DYNC1LI1: variants seen among roughly 807,000 people sequenced by gnomAD.
DYNC1LI1 encodes the protein dynein cytoplasmic 1 light intermediate chain 1, also known as cytoplasmic dynein 1 light intermediate chain 1.
In DYNC1LI1, 19 loss-of-function variants were observed where a neutral mutation model predicts 63.8. The ratio of observed to expected loss-of-function variants is 0.30; its 90% CI spans 0.21 to 0.44. The LOEUF (loss-of-function observed/expected upper bound fraction) is 0.44, where lower values mean the gene tolerates loss of function less well. Ranked by LOEUF, DYNC1LI1 falls within the 20% of genes least tolerant of loss-of-function variation. DYNC1LI1 has a pLI of 1.00. For synonymous variants in DYNC1LI1, 225 were observed against 232.3 expected (o/e 0.97, Z 0.28); for missense variants, 565 against 630.2 (o/e 0.90, Z 1.11).
chr3:32,528,218 C>T (rs1697648985), intron 12 of DYNC1LI1, among the ~76,000 whole-genome samples: 1 of 147,196 alleles, frequency 6.8e-6, no homozygotes, highest in African/African-American at 2.5e-5. Context: ...CATTGTATGA[C>T]TCCATTTACA....
At chr3:32,544,564 G>A (rs1399431322) in intron 4 of DYNC1LI1, among the ~76,000 whole-genome samples, 2 of 151,998 alleles carry the variant, frequency 1.3e-5, no homozygotes, top group Admixed American at 1.3e-4. Context: ...GGTCAGGAGT[G>A]CGAGACCAGC....
intron 2 of DYNC1LI1, among the ~76,000 whole-genome samples, chr3:32,567,904 A>T (rs1298386386): frequency 6.6e-6 from 1 of 152,052 alleles, no homozygotes; most frequent in East Asian, 1.9e-4. Context: ...GGGTTTCACC[A>T]TATTGACCAG....
At chr3:32,559,608 T>A (rs1698163076) in intron 2 of DYNC1LI1, among the ~76,000 whole-genome samples, 1 of 152,120 alleles carries the variant, frequency 6.6e-6, no homozygotes, top group Non-Finnish European at 1.5e-5. Context: ...GAAAAATCAG[T>A]AGTCAAAGCA....
chr3:32,565,991 G>A (rs961974444), intron 2 of DYNC1LI1, among the ~76,000 whole-genome samples: 3 of 152,134 alleles, frequency 2.0e-5, no homozygotes, highest in Non-Finnish European at 2.9e-5. Flanking sequence ...GTTTCTGGCC[G>A]GGTGTGGTAG....
rs537052735 is a variant in DYNC1LI1 at position 32,526,101 on chromosome 3, T to G, written c.*698A>C. On this transcript the variant is annotated 3_prime_UTR_variant, in exon 13 of 13. Transcript: ENST00000273130. ...TATATGTATAGACAAATCCAAAGAT[T>G]GTTACTTCTTTACATTTTAATAACC... 2 of 152,482 alleles carry G rather than the reference T, an allele frequency of 1.3e-5. No individual in the cohort carries two copies. The highest frequency in any genetic ancestry group is 2.9e-5 in the Non-Finnish European group (2 of 67,994). 9.4% of individuals were successfully genotyped at this position (152,482 alleles called of 1,614,324 possible).
intron 6 of DYNC1LI1, 22 bp downstream of exon 6, chr3:32,536,989 A>G (rs1422807321): frequency 1.5e-6 from 2 of 1,333,122 alleles, no homozygotes; most frequent in South Asian, 2.5e-5. Context: ...CACTGAATCA[A>G]TAAATGTATT....
rs148693089 is a variant in DYNC1LI1 at position 32,539,125 on chromosome 3, A to G, written c.738+1912T>C. Reference sequence around the variant, plus strand: ...AACAGCTCTTCACCAACCAAAACAAAATAAAAAACAAAGCACACAGAAGGA... The same window carrying G: ...AACAGCTCTTCACCAACCAAAACAAGATAAAAAACAAAGCACACAGAAGGA... On this transcript the variant is annotated intron_variant, in intron 5 of 12. Transcript: ENST00000273130. Among the ~76,000 whole-genome samples, 6 of 152,322 alleles carry G rather than the reference A, an allele frequency of 3.9e-5. No homozygotes were observed. The East Asian group carries it at 1.2e-3, about 29-fold the overall frequency.
At position 32,528,067 on chromosome 3, in the gene DYNC1LI1, C is replaced by T. The variant is rs185512171; in HGVS notation, c.1462+379G>A. On this transcript the variant is annotated intron_variant, in intron 12 of 12. Transcript: ENST00000273130. Reference sequence around the variant, plus strand: ...ACCCTGGAGGCGGAGGCTGCAGTATCGTGCCACTGCACTCCAGCCTGGGCA... The same window carrying T: ...ACCCTGGAGGCGGAGGCTGCAGTATTGTGCCACTGCACTCCAGCCTGGGCA... 3.8e-3 allele frequency among the ~76,000 whole-genome samples: 460 copies of T among 121,750 alleles called. 5 individuals are homozygous for T. The highest frequency in any genetic ancestry group is 0.014 in the African/African-American group (441 of 31,876). 79.9% of individuals were successfully genotyped at this position (121,750 alleles called of 152,430 possible).
chr3:32,533,620 C>A (rs1448060144), intron 7 of DYNC1LI1, among the ~76,000 whole-genome samples: 1 of 144,520 alleles, frequency 6.9e-6, no homozygotes, highest in Admixed American at 7.1e-5. Context: ...GGTTGGAGTA[C>A]AGTGGCTCAA....
chr3:32,539,603 T>A (rs1272645563), intron 5 of DYNC1LI1, among the ~76,000 whole-genome samples: 1 of 151,954 alleles, frequency 6.6e-6, no homozygotes, highest in African/African-American at 2.4e-5. Context: ...TGGCGCAATC[T>A]CAGCTCACTG....
At chr3:32,569,908 C>G (rs550617539) in intron 2 of DYNC1LI1, among the ~76,000 whole-genome samples, 1 of 152,350 alleles carries the variant, frequency 6.6e-6, no homozygotes, top group Non-Finnish European at 1.5e-5. Flanking sequence ...GGTCTTAGTT[C>G]TAGCTTCTGT....
In DYNC1LI1 at chr3:32,529,549, T is replaced by C; in HGVS notation, c.1297A>G (p.Asn433Asp). ...CTAGAAAGAGATGTACCTTTCATGT[T>C]TGGATCAATTTTTTTTGACCCAGCA... ...IPAGSKKIDPNMKAGATSEGV... is the reference protein window; with the variant it reads ...IPAGSKKIDPDMKAGATSEGV... Residue 433 changes from asparagine to aspartate, a missense_variant, in exon 11 of 13, where the codon AAC becomes GAC. Transcript: ENST00000273130. The C allele has an allele frequency of 6.2e-7, 1 of 1,606,966 alleles. No homozygotes were observed. Among genetic ancestry groups the C allele is most frequent in the Non-Finnish European group, 8.5e-7 (1 of 1,176,282 alleles).
rs1697622722 is a variant in DYNC1LI1 at position 32,526,658 on chromosome 3, C to G, written c.*141G>C. ...TCCTTCTAAAAAATGGGTAACCACA[C>G]ACACACACACACACACACACGACAT... is the stretch of plus-strand genomic sequence containing the variant. On this transcript the variant is annotated 3_prime_UTR_variant, in exon 13 of 13. Coordinates refer to ENST00000273130, the MANE Select transcript of DYNC1LI1 (RefSeq NM_016141.4). 1.0e-5 allele frequency: 6 copies of G among 587,798 alleles called. No homozygotes were observed. In the South Asian group the frequency reaches 1.4e-4, roughly 14 times the overall value. The allele number at this position is 587,798 out of a possible 1,614,324, so 36.4% of individuals were successfully genotyped here. A position where few individuals can be genotyped will look rare whatever the true frequency, so the allele number is the denominator to read the frequency against.
intron 4 of DYNC1LI1, among the ~76,000 whole-genome samples, chr3:32,543,833 G>A (rs1375161548): frequency 6.6e-6 from 1 of 151,626 alleles, no homozygotes; most frequent in African/African-American, 2.4e-5. Flanking sequence ...GGGAGTCTGA[G>A]CAAGGTGGAT....
In DYNC1LI1 at chr3:32,545,853, C is replaced by T; in HGVS notation, c.333G>A (p.Arg111=). 1 of 1,592,272 alleles carries T rather than the reference C, an allele frequency of 6.3e-7. No homozygotes were observed. Among genetic ancestry groups the T allele is most frequent in the Non-Finnish European group, 8.6e-7 (1 of 1,160,468 alleles). The change falls in exon 3 of 13, where the codon AGG becomes AGA. Residue 111 remains arginine (R), a synonymous_variant. Coordinates refer to ENST00000273130, the MANE Select transcript of DYNC1LI1 (RefSeq NM_016141.4). The stretch of plus-strand genomic sequence containing the variant: ...TATGTTACAAATGACACTCACCATC[C>T]CTGTCTTCATCATGCACATTTAAGT... ...YLYLNVHDED[R]DDQTRCNVWI...
chr3:32,541,312 T>A, intron 4 of DYNC1LI1, 106 bp from the exon 5 acceptor site: 1 of 721,402 alleles, frequency 1.4e-6, no homozygotes, highest in Admixed American at 3.1e-5. Flanking sequence ...CTTAGTCTTG[T>A]GTAAGAGAAG....
intron 4 of DYNC1LI1, among the ~76,000 whole-genome samples, chr3:32,544,535 C>T (rs972258751): frequency 4.6e-5 from 7 of 152,058 alleles, no homozygotes; most frequent in African/African-American, 1.4e-4. Context: ...TCTGGGAGGC[C>T]GAGTGGGGTG....
intron 2 of DYNC1LI1, 143 bp downstream of exon 2, chr3:32,570,203 G>T: frequency 1.3e-6 from 1 of 763,096 alleles, no homozygotes; most frequent in Non-Finnish European, 2.3e-6. Flanking sequence ...TTCTCTCCCA[G>T]CCATCCGCGA....
chr3:32,536,092 G>A (rs912341447), intron 6 of DYNC1LI1, among the ~76,000 whole-genome samples: 2 of 152,102 alleles, frequency 1.3e-5, no homozygotes, highest in African/African-American at 4.8e-5. Context: ...CCCATAAAGA[G>A]AAAGAACTGA....
Sources: allele counts gnomAD v4.1 joint callset (sites outside exome capture counted in the v4.1 genomes callset), GRCh38; gene constraint gnomAD v4.1.1; transcripts MANE v1.5; gene names NCBI Gene and HGNC (gene_info 2026-07-23, HGNC 2026-07-21).